Variants in SH2D3A observed in about 807,000 individuals in gnomAD.
The protein encoded by SH2D3A is SH2 domain containing 3A, also known as SH2 domain-containing protein 3A.
In SH2D3A, 46 loss-of-function variants were observed where a neutral mutation model predicts 50.6. The ratio of observed to expected loss-of-function variants is 0.91; its 90% CI spans 0.72 to 1.16. The LOEUF is 1.16. Among genes scored for constraint, SH2D3A ranks in the 50% most tolerant of loss-of-function variants. The pLI is 0.00. For synonymous variants in SH2D3A, 377 were observed against 348.4 expected (o/e 1.08, Z -0.91); for missense variants, 783 against 786.2 (o/e 1.00, Z 0.05).
Position 6,754,065 on chromosome 19 carries a change from C to A in SH2D3A, c.1371G>T (p.Leu457=). ...ACCTTCACTTACCAGCGCCCTCATCCAGAGCCCGCATCAGCGGCTTCAGCT... is the reference window on the plus strand; with the variant it reads ...ACCTTCACTTACCAGCGCCCTCATCAAGAGCCCGCATCAGCGGCTTCAGCT... The part of the protein sequence containing the change: ...EQELKPLMRA[L]DEGAGPCDPG... Residue 457 remains leucine, a synonymous_variant, in exon 8 of 10, where the codon CTG becomes CTT. Transcript: ENST00000245908. 1.2e-6 allele frequency: 2 copies of A among 1,607,506 alleles called. No homozygotes were observed. Among genetic ancestry groups the A allele is most frequent in the Admixed American group, 1.7e-5 (1 of 59,136 alleles).
intron 3 of SH2D3A, among the ~76,000 whole-genome samples, chr19:6,759,938 G>A (rs770455362): frequency 1.4e-4 from 21 of 151,954 alleles, no homozygotes; most frequent in African/African-American, 3.9e-4. Flanking sequence ...AAGAATGTTC[G>A]GGCCTCAAAA....
chr19:6,764,527 T>C (rs1252624649), intron 1 of SH2D3A: 1 of 152,190 alleles, frequency 6.6e-6, no homozygotes, highest in Non-Finnish European at 1.5e-5. Flanking sequence ...CCAGGCTCTG[T>C]TCTAGGCCCT....
In SH2D3A at chr19:6,754,053, A is replaced by G; in HGVS notation, c.1383T>C (p.Ala461=). 1.2e-6 allele frequency: 2 copies of G among 1,600,750 alleles called. No individual in the cohort carries two copies. Among genetic ancestry groups the G allele is most frequent in the South Asian group, 2.2e-5 (2 of 89,742 alleles). The change falls in exon 8 of 10, where the codon GCT becomes GCC. Residue 461 remains alanine (A), a splice_region_variant and synonymous_variant. Coordinates refer to ENST00000245908, the MANE Select transcript of SH2D3A (RefSeq NM_005490.3). ...GCTAAGCCCCAGACCTTCACTTACC[A>G]GCGCCCTCATCCAGAGCCCGCATCA... ...KPLMRALDEG[A]GPCDPGEVAL...
rs1970157325 is a variant in SH2D3A, at chr19:6,763,757, T to C, written c.-9A>G. On this transcript the variant is annotated 5_prime_UTR_variant, in exon 2 of 10. Coordinates refer to ENST00000245908, the MANE Select transcript of SH2D3A (RefSeq NM_005490.3). ...TCCTGTGGCACCTGCATGGAGCTCT[T>C]GGGAACAGAGGGTGCCAGGGCTGAG... is the stretch of plus-strand genomic sequence containing the variant. 1.2e-6 allele frequency: 2 copies of C among 1,612,030 alleles called. No homozygotes were observed. Among genetic ancestry groups the C allele is most frequent in the South Asian group, 2.2e-5 (2 of 90,420 alleles).
At chr19:6,759,997 T>G (rs371774707) in intron 3 of SH2D3A, among the ~76,000 whole-genome samples, 4 of 152,226 alleles carry the variant, frequency 2.6e-5, no homozygotes, top group Admixed American at 2.0e-4. Flanking sequence ...CCCAGCACTA[T>G]GGGAGGCTGA....
chr19:6,762,162 TGGTA>T (rs1418109886), intron 2 of SH2D3A, among the ~76,000 whole-genome samples: 1 of 151,946 alleles, frequency 6.6e-6, no homozygotes, highest in African/African-American at 2.4e-5. Flanking sequence ...GTAACAAGGG[TGGTA>T]GGTATTATTA....
At chr19:6,757,491 A>G (rs1435442755) in intron 4 of SH2D3A, 2 of 151,866 alleles carry the variant, frequency 1.3e-5, no homozygotes, top group African/African-American at 4.8e-5. Context: ...CTACCCACTC[A>G]TTTTTTGGTT....
At chr19:6,760,554 T>TA in intron 3 of SH2D3A, 84 bp downstream of exon 3, 1 of 1,122,610 alleles carries the variant, frequency 8.9e-7, no homozygotes, top group African/African-American at 1.6e-5. Context: ...TGAGACTCAG[T>TA]CAAAAAAAAA....
rs1448096075 is a variant in SH2D3A at position 6,755,042 on chromosome 19, C to T, written c.770G>A (p.Trp257Ter). 1 of 1,613,634 alleles carries T rather than the reference C, an allele frequency of 6.2e-7. No individual in the cohort carries two copies. The highest frequency in any genetic ancestry group is 1.3e-5 in the African/African-American group (1 of 74,774). The change falls in exon 5 of 10, where the codon TGG becomes TAG. Residue 257 changes from tryptophan (W) to a stop codon, truncating the protein, a stop_gained. Transcript: ENST00000245908. LOFTEE classifies it high-confidence loss of function. ...CTCCTCATCCTCCTCGGCCTCCCAC[C>T]ATGGGGCCTCTGGCTCTGGGCAGCT... is the stretch of plus-strand genomic sequence containing the variant. ...SQSCPEPEAP[W>*]WEAEEDEEEE... is the part of the protein sequence containing the mutation.
Position 6,760,899 on chromosome 19 carries a change from C to T in SH2D3A, c.158G>A (p.Trp53Ter). Residue 53 changes from tryptophan (W) to a stop codon, truncating the protein, a stop_gained, in exon 3 of 10, where the codon TGG becomes TAG. Transcript: ENST00000245908. LOFTEE classifies it high-confidence loss of function. ...RGGNPVISCR[W>*]RGSALHFEVF... ...CTCAAAATGGAGGGCTGAGCCCCGC[C>T]AGCGGCAGGAGATCACGGGGTTGCC... The T allele has an allele frequency of 1.9e-6, 3 of 1,614,228 alleles. No homozygotes were observed. The highest frequency in any genetic ancestry group is 1.7e-6 in the Non-Finnish European group (2 of 1,180,034).
intron 2 of SH2D3A, among the ~76,000 whole-genome samples, chr19:6,762,876 C>T (rs1330096671): frequency 1.3e-5 from 2 of 151,628 alleles, no homozygotes; most frequent in Non-Finnish European, 2.9e-5. Flanking sequence ...AATGTCCTGC[C>T]CAAGGTCACA....
chr19:6,765,870 CAT>C (rs921645903), intron 1 of SH2D3A, among the ~76,000 whole-genome samples: 1 of 152,000 alleles, frequency 6.6e-6, no homozygotes, highest in Non-Finnish European at 1.5e-5. Context: ...GGAGCCCATA[CAT>C]GTGGTTATCA....
chr19:6,761,275 T>TAAAACCCTGCTGCAC (rs1057214204), intron 2 of SH2D3A: 4 of 363,668 alleles, frequency 1.1e-5, no homozygotes, highest in African/African-American at 8.4e-5. Context: ...ACCTGGCGCA[T>TAAAACCCTGCTGCAC]AAAACCCTGC....
At position 6,752,392 on chromosome 19, in the gene SH2D3A, G is replaced by T. The variant is rs910124067; in HGVS notation, c.*201C>A. 23 of 428,536 alleles carry T rather than the reference G, an allele frequency of 5.4e-5. No homozygotes were observed. Among genetic ancestry groups the T allele is most frequent in the Admixed American group, 1.2e-4 (3 of 24,672 alleles). 26.5% of individuals were successfully genotyped at this position (428,536 alleles called of 1,614,324 possible). A position where few individuals can be genotyped will look rare whatever the true frequency, so the allele number is the denominator to read the frequency against. On this transcript the variant is annotated 3_prime_UTR_variant, in exon 10 of 10. Transcript: ENST00000245908. Reference sequence around the variant, plus strand: ...GCTTTTAAGAGGTGGAGTCACATTTGAACTCTGGCCTCTGATGCCAGATCT... The same window carrying T: ...GCTTTTAAGAGGTGGAGTCACATTTTAACTCTGGCCTCTGATGCCAGATCT...
intron 6 of SH2D3A, 62 bp downstream of exon 6, chr19:6,754,554 G>A (rs1961765399): frequency 6.2e-7 from 1 of 1,607,142 alleles, no homozygotes; most frequent in African/African-American, 1.3e-5. Context: ...GAGCTGTTTG[G>A]AGATCTTGGG....
chr19:6,761,297 A>C, intron 2 of SH2D3A: 1 of 296,968 alleles, frequency 3.4e-6, no homozygotes, highest in Non-Finnish European at 6.3e-6. Flanking sequence ...GCACAATCTT[A>C]TAGGTTGTGT....
intron 1 of SH2D3A, among the ~76,000 whole-genome samples, chr19:6,766,244 G>A (rs73920210): frequency 0.036 from 5,495 of 152,226 alleles, 348 homozygotes; most frequent in African/African-American, 0.13. Context: ...AGCCTCGGTC[G>A]CAGAGTTTCC....
chr19:6,761,248 C>A (rs1970001796), intron 2 of SH2D3A: 1 of 467,046 alleles, frequency 2.1e-6, no homozygotes. Flanking sequence ...GGTAGAAGGG[C>A]TATGGGAAAT....
At position 6,755,044 on chromosome 19, in the gene SH2D3A, T is replaced by C. The variant is rs956657865; in HGVS notation, c.768A>G (p.Pro256=). Residue 256 remains proline (P), a synonymous_variant, in exon 5 of 10, where the codon CCA becomes CCG. Coordinates refer to ENST00000245908, the MANE Select transcript of SH2D3A (RefSeq NM_005490.3). ...PSQSCPEPEA[P]WWEAEEDEEE... is the part of the protein sequence containing the mutation. ...CCTCATCCTCCTCGGCCTCCCACCA[T>C]GGGGCCTCTGGCTCTGGGCAGCTTT... The C allele has an allele frequency of 2.5e-6, 4 of 1,613,948 alleles. No homozygotes were observed. Among genetic ancestry groups the C allele is most frequent in the African/African-American group, 2.7e-5 (2 of 74,888 alleles).
Sources: allele counts gnomAD v4.1 joint callset (sites outside exome capture counted in the v4.1 genomes callset), GRCh38; gene constraint gnomAD v4.1.1; transcripts MANE v1.5; gene names NCBI Gene and HGNC (gene_info 2026-07-23, HGNC 2026-07-21).